Variants in MEG3 observed in about 807,000 individuals in gnomAD.
The protein encoded by MEG3 is maternally expressed 3.
At chr14:100,831,178 A>G (rs10147988), downstream of MEG3, 58,961 of 152,554 alleles carry the variant, frequency 0.39, 11,605 homozygotes, top group Admixed American at 0.47. Context: ...CTGAGCCAGG[A>G]CCGGCCACTG....
chr14:100,841,658 G>A (rs1271715202), intron 2 of MEG3, among the ~76,000 whole-genome samples: 1 of 152,110 alleles, frequency 6.6e-6, no homozygotes, highest in Admixed American at 6.5e-5. Context: ...CACAGTCACC[G>A]GTCATTAGTG....
At chr14:100,840,070 G>C (rs2037704883) in intron 2 of MEG3, among the ~76,000 whole-genome samples, 2 of 152,244 alleles carry the variant, frequency 1.3e-5, no homozygotes, top group Admixed American at 6.5e-5. Context: ...AGCAGGTGCT[G>C]GGTCACTGGG....
intron 2 of MEG3, among the ~76,000 whole-genome samples, chr14:100,839,175 G>T (rs1485648416): frequency 2.0e-5 from 3 of 152,200 alleles, no homozygotes; most frequent in South Asian, 4.1e-4. Context: ...ACAGAAGGGG[G>T]TGTGGAGGGA....
chr14:100,834,050 C>T (rs2037478084), downstream of MEG3: 1 of 152,250 alleles, frequency 6.6e-6, no homozygotes, highest in Non-Finnish European at 1.5e-5. Context: ...ATCTTTCATC[C>T]CCTTTTGCCA....
chr14:100,836,088 C>A, intron 1 of MEG3: 1 of 395,454 alleles, frequency 2.5e-6, no homozygotes, highest in South Asian at 1.9e-5. Flanking sequence ...GAGGCCGTGC[C>A]CCGAGTCTTT....
At chr14:100,834,651 G>A (rs532615060) in exon 1 of MEG3, 62 of 455,840 alleles carry the variant, frequency 1.4e-4, no homozygotes, top group African/African-American at 1.1e-3. Flanking sequence ...TGGCCATCCC[G>A]GGGTGCCCTT....
chr14:100,830,707 A>AT (rs1444365818), downstream of MEG3: 1 of 152,194 alleles, frequency 6.6e-6, no homozygotes, highest in East Asian at 1.9e-4. Context: ...TTGGAACCTA[A>AT]TTGGGGTCCT....
At chr14:100,832,676 C>T (rs1226359716), downstream of MEG3, 2 of 152,624 alleles carry the variant, frequency 1.3e-5, no homozygotes, top group East Asian at 3.9e-4. Flanking sequence ...GGCGATGTGG[C>T]TTCTTAAGCC....
chr14:100,836,294 G>A, exon 2 of MEG3: 1 of 456,536 alleles, frequency 2.2e-6, no homozygotes, highest in Non-Finnish European at 4.4e-6. Flanking sequence ...CTCCTTCCTG[G>A]TTTGGGGTGA....
At chr14:100,835,911 G>T in intron 1 of MEG3, 1 of 292,484 alleles carries the variant, frequency 3.4e-6, no homozygotes, top group South Asian at 3.1e-5. Context: ...CTTTGCCTCC[G>T]CCGTGGCCCT....
At chr14:100,846,195 T>C (rs1475835088) in intron 3 of MEG3, 1 of 152,254 alleles carries the variant, frequency 6.6e-6, no homozygotes, top group Non-Finnish European at 1.5e-5. Flanking sequence ...GAACTCCATG[T>C]CCGTCGTTTC....
At chr14:100,842,147 T>C (rs79416175) in intron 2 of MEG3, among the ~76,000 whole-genome samples, 4,266 of 152,284 alleles carry the variant, frequency 0.028, 129 homozygotes, top group East Asian at 0.089. Context: ...GCAGCTTTTG[T>C]TTTGTGACCT....
At chr14:100,836,201 G>C (rs758857207) in exon 2 of MEG3, 2 of 456,350 alleles carry the variant, frequency 4.4e-6, no homozygotes, top group South Asian at 3.1e-5. Context: ...GTCGGCTGAA[G>C]AACTGCGGAT....
At chr14:100,843,178 C>G (rs2037809362) in intron 2 of MEG3, among the ~76,000 whole-genome samples, 1 of 152,286 alleles carries the variant, frequency 6.6e-6, no homozygotes, top group South Asian at 2.1e-4. Flanking sequence ...GGAGCAGAAG[C>G]AGGAAAAAAC....
Position 100,837,025 on chromosome 14 carries a change from G to A in MEG3, n.3045+725G>A, listed in dbSNP as rs1206791439. Among the ~76,000 whole-genome samples the A allele has an allele frequency of 2.0e-5, 3 of 152,210 alleles. No homozygotes were observed. The highest frequency in any genetic ancestry group is 4.4e-5 in the Non-Finnish European group (3 of 68,038). On this transcript the variant is annotated intron_variant and non_coding_transcript_variant, in intron 2 of 3. Transcript: ENST00000398461. This position sits in a 1 kb window ranked among gnomAD's most constrained non-coding sequence, Gnocchi z 5.8. The stretch of plus-strand genomic sequence containing the variant: ...CTAATTCAAGATGCAGCCGGGAGCC[G>A]TCCAGGGCTCGGGCCTGGGGTTGTT...
chr14:100,833,886 C>T (rs1049447951), downstream of MEG3: 1 of 152,220 alleles, frequency 6.6e-6, no homozygotes, highest in Non-Finnish European at 1.5e-5. Context: ...GGACCTTCCT[C>T]CCTTAGTGAG....
chr14:100,850,636 A>C (rs983525899), intron 3 of MEG3: 14 of 152,048 alleles, frequency 9.2e-5, no homozygotes, highest in Admixed American at 3.3e-4. Flanking sequence ...AGGAGAAAGA[A>C]CCAGAGAAAC....
At chr14:100,857,158 C>A (rs564414627), upstream of MEG3, 2 of 152,178 alleles carry the variant, frequency 1.3e-5, no homozygotes, top group Non-Finnish European at 2.9e-5. Flanking sequence ...ATCTTACGGA[C>A]GTTTGTATGC....
At chr14:100,860,662 G>T (rs1338495668) in intron 1 of MEG3, 1 of 456,654 alleles carries the variant, frequency 2.2e-6, no homozygotes, top group Non-Finnish European at 4.4e-6. Flanking sequence ...GGAGCAGGTG[G>T]CCTTCATCTG....
Sources: gnomAD v4.1 joint callset for allele counts (sites outside exome capture counted in the v4.1 genomes callset) on GRCh38, gnomAD v4.1.1 for gene constraint, Gnocchi (gnomAD v3.1) non-coding constraint, MANE v1.5 for transcripts, NCBI Gene and HGNC (gene_info 2026-07-23, HGNC 2026-07-21) for gene names.